SHQ1: variants seen among roughly 807,000 people sequenced by gnomAD.
SHQ1 encodes protein SHQ1 homolog.
Under a neutral mutation model 53.8 loss-of-function variants are expected in SHQ1, and 49 were observed. The ratio of observed to expected loss-of-function variants is 0.91; its 90% confidence interval spans 0.72 to 1.16. SHQ1 has a LOEUF of 1.16. Ranked by LOEUF, SHQ1 falls within the 50% of genes most tolerant of loss-of-function variation. The pLI, the probability that SHQ1 is intolerant of heterozygous loss-of-function variation, is 0.00. For missense variants in SHQ1, 738 were observed against 683.1 expected, an observed-to-expected ratio of 1.08 and a Z score of -0.90; for synonymous variants, 243 against 251.0, an observed-to-expected ratio of 0.97 and a Z score of 0.30.
chr3:72,751,508 G>GTGTGTATATATATATA (rs1210782182), intron 10 of SHQ1, among the ~76,000 whole-genome samples: 5 of 116,984 alleles, frequency 4.3e-5, no homozygotes, highest in African/African-American at 1.8e-4. Flanking sequence ...GTGTGTGTGT[G>GTGTGTATATATATATA]TATATATATA....
intron 5 of SHQ1, among the ~76,000 whole-genome samples, chr3:72,825,028 C>T (rs1035679658): frequency 4.6e-5 from 7 of 151,888 alleles, no homozygotes; most frequent in African/African-American, 1.5e-4. Flanking sequence ...CTTAAACTCT[C>T]GGCCTCAAGT....
chr3:72,731,728 G>A, the SHQ1 span, among the ~76,000 whole-genome samples: 3 of 151,372 alleles, frequency 2.0e-5, no homozygotes, highest in Non-Finnish European at 4.4e-5. Flanking sequence ...CAGTTTGCAG[G>A]CTATACAAAA....
intron 9 of SHQ1, chr3:72,809,547 A>T (rs1388387225): frequency 1.3e-5 from 2 of 152,202 alleles, no homozygotes; most frequent in Non-Finnish European, 2.9e-5. Context: ...TTCTAATGGA[A>T]GTAAAGTAAG....
chr3:72,764,578 T>C (rs746367865), intron 10 of SHQ1, among the ~76,000 whole-genome samples: 15 of 152,214 alleles, frequency 9.9e-5, no homozygotes, highest in Non-Finnish European at 2.2e-4. Flanking sequence ...ATACTTTTAA[T>C]AAAGGCAATT....
intron 5 of SHQ1, among the ~76,000 whole-genome samples, 200 bp from the exon 6 acceptor site, chr3:72,824,751 G>A (rs1404912013): frequency 6.7e-6 from 1 of 149,270 alleles, no homozygotes; most frequent in Admixed American, 6.7e-5. Flanking sequence ...ACAAAAGTAA[G>A]TATCTGCCTA....
At chr3:72,736,734 A>G in the SHQ1 span, among the ~76,000 whole-genome samples, 1 of 138,090 alleles carries the variant, frequency 7.2e-6, no homozygotes. Context: ...CAGAAGTTGT[A>G]GTGAGCCGAG....
chr3:72,813,397 C>T (rs1302351607), intron 8 of SHQ1, among the ~76,000 whole-genome samples: 3 of 144,126 alleles, frequency 2.1e-5, no homozygotes, highest in African/African-American at 7.8e-5. Context: ...TCCTGGGAGG[C>T]AGAGGCTGCA....
intron 9 of SHQ1, among the ~76,000 whole-genome samples, chr3:72,806,306 G>A (rs1212781105): frequency 6.6e-6 from 1 of 152,126 alleles, no homozygotes; most frequent in East Asian, 1.9e-4. Flanking sequence ...TCCTTTCTTC[G>A]ATAAGTTGGT....
the SHQ1 span, among the ~76,000 whole-genome samples, chr3:72,727,377 C>A: frequency 6.6e-6 from 1 of 152,154 alleles, no homozygotes; most frequent in Admixed American, 6.5e-5. Flanking sequence ...CCTGCTCTTG[C>A]CAAACAACCC....
the SHQ1 span, among the ~76,000 whole-genome samples, chr3:72,726,359 T>C: frequency 6.6e-6 from 1 of 150,784 alleles, no homozygotes; most frequent in African/African-American, 2.4e-5. Flanking sequence ...GGCCCTTTCT[T>C]TTTTTTTTGG....
At chr3:72,811,013 A>G (rs990949385) in intron 9 of SHQ1, among the ~76,000 whole-genome samples, 2 of 152,260 alleles carry the variant, frequency 1.3e-5, no homozygotes, top group African/African-American at 2.4e-5. Flanking sequence ...CTCAATTTCA[A>G]TTCTGACCTA....
At chr3:72,810,142 A>G (rs1017657275) in intron 9 of SHQ1, among the ~76,000 whole-genome samples, 3 of 151,962 alleles carry the variant, frequency 2.0e-5, no homozygotes, top group Admixed American at 6.6e-5. Context: ...GAGACAGGGG[A>G]AAAAAAAGGA....
At chr3:72,774,981 G>A (rs2106745734) in intron 10 of SHQ1, among the ~76,000 whole-genome samples, 1 of 152,184 alleles carries the variant, frequency 6.6e-6, no homozygotes, top group Non-Finnish European at 1.5e-5. Flanking sequence ...TGGGCATGGT[G>A]GTGGGCACCT....
chr3:72,730,467 G>T, the SHQ1 span, among the ~76,000 whole-genome samples: 2 of 152,150 alleles, frequency 1.3e-5, no homozygotes, highest in African/African-American at 4.8e-5. Flanking sequence ...TAGGTACACT[G>T]GATACTTGAT....
At chr3:72,734,646 C>G in the SHQ1 span, among the ~76,000 whole-genome samples, 4 of 151,612 alleles carry the variant, frequency 2.6e-5, no homozygotes, top group African/African-American at 9.7e-5. Flanking sequence ...TACATTGCAT[C>G]TAGCAATTCA....
At position 72,842,276 on chromosome 3, in the gene SHQ1, A is replaced by G. The variant is rs755045086; in HGVS notation, c.331+4T>C. On this transcript the variant is annotated splice_donor_region_variant and intron_variant, in intron 3 of 10. Coordinates refer to ENST00000325599, the MANE Select transcript of SHQ1 (RefSeq NM_018130.3). ...TAATTTCCTCCCAACTGTAATAAAC[A>G]TACCTATTTCTTCCACAAGTGGTTT... 3.7e-6 allele frequency: 6 copies of G among 1,613,028 alleles called. No homozygotes were observed. In the East Asian group the frequency reaches 1.1e-4, roughly 30 times the overall value.
intron 9 of SHQ1, among the ~76,000 whole-genome samples, chr3:72,812,349 C>G (rs946840127): frequency 6.6e-6 from 1 of 152,168 alleles, no homozygotes. Context: ...CACAGTCCCA[C>G]CATAGAGCCT....
At chr3:72,758,629 G>T (rs1705549615) in intron 10 of SHQ1, among the ~76,000 whole-genome samples, 1 of 144,848 alleles carries the variant, frequency 6.9e-6, no homozygotes, top group Non-Finnish European at 1.5e-5. Context: ...GAATGCAATG[G>T]CACGATCTCG....
At position 72,815,502 on chromosome 3, in the gene SHQ1, C is replaced by T. The variant is rs1437775334; in HGVS notation, c.883-99G>A. The T allele has an allele frequency of 1.0e-5, 9 of 901,098 alleles. No individual in the cohort carries two copies. The East Asian group carries it at 2.2e-4, about 22-fold the overall frequency. 55.8% of individuals were successfully genotyped at this position (901,098 alleles called of 1,614,324 possible). A position where few individuals can be genotyped will look rare whatever the true frequency, so the allele number is the denominator to read the frequency against. On this transcript the variant is annotated intron_variant, in intron 7 of 10. Coordinates refer to ENST00000325599, the MANE Select transcript of SHQ1 (RefSeq NM_018130.3). ...TTATTCAACCAGTGTCTGAGGATCA[C>T]TGACATATGAGAACTAAGAAGTGTT...
Sources: allele counts gnomAD v4.1 joint callset (sites outside exome capture counted in the v4.1 genomes callset), GRCh38; gene constraint gnomAD v4.1.1; transcripts MANE v1.5; gene names NCBI Gene and HGNC (gene_info 2026-07-23, HGNC 2026-07-21).